The following TSPAN32 variants were observed in gnomAD, a reference collection of about 807,000 sequenced individuals.
TSPAN32 encodes the protein tetraspanin-32.
TSPAN32 carries 47 observed loss-of-function variants against 42.7 expected under a neutral mutation model. That is an observed-to-expected ratio of 1.10 (90% CI 0.87 to 1.40). The LOEUF is 1.40. TSPAN32 is among the 40% of genes most tolerant of loss of function. TSPAN32 has a pLI of 0.00. For missense variants in TSPAN32, 469 were observed against 424.1 expected (o/e 1.11, Z -0.93); for synonymous variants, 175 against 175.9 (o/e 0.99, Z 0.04).
intron 6 of TSPAN32, chr11:2,315,156 GCCCTCC>G: frequency 1.4e-6 from 1 of 711,596 alleles, no homozygotes; most frequent in Non-Finnish European, 1.9e-6. Context: ...GTGCCCGGCA[GCCCTCC>G]CCCAGCCCAC....
Position 2,317,299 on chromosome 11 carries a change from C to T in TSPAN32, c.720-45C>T. 6.7e-7 allele frequency: 1 copy of T among 1,487,880 alleles called. No homozygotes were observed. The highest frequency in any genetic ancestry group is 9.2e-7 in the Non-Finnish European group (1 of 1,088,830). 92.2% of individuals were successfully genotyped at this position (1,487,880 alleles called of 1,614,324 possible). On this transcript the variant is annotated intron_variant, in intron 8 of 9. Transcript: ENST00000182290. The surrounding 1 kb of genome is among the most constrained non-coding windows in gnomAD (Gnocchi z 6.2). Reference sequence around the variant, plus strand: ...ATTCCACAATAGCCTCACAGGTCCCCTGTAGAACATTCCACCACAGCCCCA... The same window carrying T: ...ATTCCACAATAGCCTCACAGGTCCCTTGTAGAACATTCCACCACAGCCCCA...
chr11:2,304,035 C>T lies in TSPAN32; in HGVS notation c.182-72C>T. ...GGCCCCTGACTCCCAAGTTAGATTTCACACCCAGGCTGTGTGCACTCAGGA... is the reference window on the plus strand; with the variant it reads ...GGCCCCTGACTCCCAAGTTAGATTTTACACCCAGGCTGTGTGCACTCAGGA... On this transcript the variant is annotated intron_variant, in intron 2 of 9. Coordinates refer to ENST00000182290, the MANE Select transcript of TSPAN32 (RefSeq NM_139022.3). The surrounding 1 kb of genome is among the most constrained non-coding windows in gnomAD (Gnocchi z 4.8). 8.2e-7 allele frequency: 1 copy of T among 1,222,966 alleles called. No homozygotes were observed. Among genetic ancestry groups the T allele is most frequent in the Non-Finnish European group, 1.2e-6 (1 of 852,148 alleles). The allele number at this position is 1,222,966 out of a possible 1,614,324, so 75.8% of individuals were successfully genotyped here.
chr11:2,304,072 C>A lies in TSPAN32; in HGVS notation c.182-35C>A. 6.6e-7 allele frequency: 1 copy of A among 1,515,436 alleles called. No homozygotes were observed. The highest frequency in any genetic ancestry group is 9.0e-7 in the Non-Finnish European group (1 of 1,113,014). 93.9% of individuals were successfully genotyped at this position (1,515,436 alleles called of 1,614,324 possible). A position where few individuals can be genotyped will look rare whatever the true frequency, so the allele number is the denominator to read the frequency against. ...GTGTGCACTCAGGACCTGTCCTGGGCACCCCTAACCCTCCTCCTCTCTCCT... is the reference window on the plus strand; with the variant it reads ...GTGTGCACTCAGGACCTGTCCTGGGAACCCCTAACCCTCCTCCTCTCTCCT... On this transcript the variant is annotated intron_variant, in intron 2 of 9. Coordinates refer to ENST00000182290, the MANE Select transcript of TSPAN32 (RefSeq NM_139022.3). This position sits in a 1 kb window ranked among gnomAD's most constrained non-coding sequence, Gnocchi z 4.8.
In TSPAN32 at chr11:2,317,623, C is replaced by T; in HGVS notation, c.901+98C>T. ...GTGAAGGCCCAGCCAGAGAGCCAGG[C>T]TCCATTGGGAACAGATGCAAGGGTA... On this transcript the variant is annotated intron_variant, in intron 9 of 9. Transcript: ENST00000182290. This position sits in a 1 kb window ranked among gnomAD's most constrained non-coding sequence, Gnocchi z 6.2. The T allele has an allele frequency of 1.3e-6, 2 of 1,495,216 alleles. No individual in the cohort carries two copies. Among genetic ancestry groups the T allele is most frequent in the East Asian group, 4.9e-5 (2 of 40,538 alleles). 92.6% of individuals were successfully genotyped at this position (1,495,216 alleles called of 1,614,324 possible).
At chr11:2,302,393 C>G (rs1011380553) in intron 1 of TSPAN32, among the ~76,000 whole-genome samples, 178 bp downstream of exon 1, 2 of 152,210 alleles carry the variant, frequency 1.3e-5, no homozygotes, top group African/African-American at 4.8e-5. Context: ...AGGCAGGGAC[C>G]ACCATGAGCA....
At chr11:2,316,692 A>G (rs1848820024) in intron 8 of TSPAN32, 25 bp downstream of exon 8, 3 of 1,514,774 alleles carry the variant, frequency 2.0e-6, no homozygotes, top group African/African-American at 2.8e-5. Flanking sequence ...CTGCCCCCAC[A>G]CCCTCTGGAA....
At position 2,302,888 on chromosome 11, in the gene TSPAN32, C is replaced by G. The variant is rs146480945; in HGVS notation, c.111C>G (p.Phe37Leu). 1 of 1,613,694 alleles carries G rather than the reference C, an allele frequency of 6.2e-7. No individual in the cohort carries two copies. Reference protein sequence around the residue: ...SVATMVTLTYFGAHFAVIRRA... With the variant: ...SVATMVTLTYLGAHFAVIRRA... ...CCACCATGGTGACTCTTACCTACTT[C>G]GGGGCCCACTTTGCTGTCATCCGCC... The change falls in exon 2 of 10, where the codon TTC becomes TTG. Residue 37 changes from phenylalanine to leucine, a missense_variant. Transcript: ENST00000182290.
rs202189471 is a variant in TSPAN32, at chr11:2,304,060, A to G, written c.182-47A>G. 3.5e-6 allele frequency: 5 copies of G among 1,448,898 alleles called. No individual in the cohort carries two copies. The African/African-American group carries it at 5.6e-5, about 16-fold the overall frequency. 89.8% of individuals were successfully genotyped at this position (1,448,898 alleles called of 1,614,324 possible). A position where few individuals can be genotyped will look rare whatever the true frequency, so the allele number is the denominator to read the frequency against. On this transcript the variant is annotated intron_variant, in intron 2 of 9. Transcript: ENST00000182290. The surrounding 1 kb of genome is among the most constrained non-coding windows in gnomAD (Gnocchi z 4.8). ...CACACCCAGGCTGTGTGCACTCAGG[A>G]CCTGTCCTGGGCACCCCTAACCCTC...
rs1331118692 is a variant in TSPAN32 at position 2,317,833 on chromosome 11, T to A, written c.902-30T>A. The A allele has an allele frequency of 1.2e-6, 2 of 1,600,242 alleles. No individual in the cohort carries two copies. The highest frequency in any genetic ancestry group is 2.2e-5 in the South Asian group (2 of 90,694). On this transcript the variant is annotated intron_variant, in intron 9 of 9. Coordinates refer to ENST00000182290, the MANE Select transcript of TSPAN32 (RefSeq NM_139022.3). This position sits in a 1 kb window ranked among gnomAD's most constrained non-coding sequence, Gnocchi z 6.2. Reference sequence around the variant, plus strand: ...TAAGAAGCAGCATGGATGTAAGGACTGCAAGCAGTGCCCATTTATGATCTC... The same window carrying A: ...TAAGAAGCAGCATGGATGTAAGGACAGCAAGCAGTGCCCATTTATGATCTC...
At position 2,313,824 on chromosome 11, in the gene TSPAN32, G is replaced by T. The variant is rs55756178; in HGVS notation, c.456+69G>T. 1.6e-6 allele frequency: 2 copies of T among 1,284,010 alleles called. No homozygotes were observed. Among genetic ancestry groups the T allele is most frequent in the African/African-American group, 1.5e-5 (1 of 68,110 alleles). The allele number at this position is 1,284,010 out of a possible 1,614,324, so 79.5% of individuals were successfully genotyped here. Reference sequence around the variant, plus strand: ...TTGGACTGCAGTTCAGAGAACAGGCGCAGGGTGGCCAGTGAGAGGTCTGGC... The same window carrying T: ...TTGGACTGCAGTTCAGAGAACAGGCTCAGGGTGGCCAGTGAGAGGTCTGGC... On this transcript the variant is annotated intron_variant, in intron 5 of 9. Transcript: ENST00000182290. This position sits in a 1 kb window ranked among gnomAD's most constrained non-coding sequence, Gnocchi z 9.1.
chr11:2,306,848 A>AG (rs1564957447), intron 3 of TSPAN32: 1 of 42,210 alleles, frequency 2.4e-5, no homozygotes, highest in Non-Finnish European at 4.2e-5. Context: ...AGGGAGAGGG[A>AG]GGGGGAGGGG....
chr11:2,315,160 T>TACCC, intron 6 of TSPAN32: 6 of 646,454 alleles, frequency 9.3e-6, no homozygotes, highest in Non-Finnish European at 1.3e-5. Flanking sequence ...CCGGCAGCCC[T>TACCC]CCCCCAGCCC....
In TSPAN32 at chr11:2,316,556, C is replaced by A. The variant is rs577127602; in HGVS notation, c.628-20C>A. ...CCGCACCCTGGGGCAGTGGGGCAGC[C>A]GCGGGTGTCTCCCTCCCAGGTGTCC... On this transcript the variant is annotated intron_variant, in intron 7 of 9. Transcript: ENST00000182290. 3 of 1,601,122 alleles carry A rather than the reference C, an allele frequency of 1.9e-6. No homozygotes were observed. The South Asian group carries it at 3.3e-5, about 18-fold the overall frequency.
At position 2,307,147 on chromosome 11, in the gene TSPAN32, G is replaced by T. The variant is rs527576736; in HGVS notation, c.280-1589G>T. Among the ~76,000 whole-genome samples the T allele has an allele frequency of 2.0e-5, 3 of 152,124 alleles. No homozygotes were observed. The South Asian group carries it at 6.2e-4, about 31-fold the overall frequency. Reference sequence around the variant, plus strand: ...AGGAGGGCCATGAGGAGCCGCCAGCGCCCTGTCCCTGCAGGGCTGGAGGCC... The same window carrying T: ...AGGAGGGCCATGAGGAGCCGCCAGCTCCCTGTCCCTGCAGGGCTGGAGGCC... On this transcript the variant is annotated intron_variant, in intron 3 of 9. Coordinates refer to ENST00000182290, the MANE Select transcript of TSPAN32 (RefSeq NM_139022.3).
chr11:2,309,553 C>CG (rs1289508429), intron 4 of TSPAN32: 1 of 352,294 alleles, frequency 2.8e-6, no homozygotes, highest in Non-Finnish European at 5.8e-6. Flanking sequence ...GGGACAGCCA[C>CG]GGGCAGGGTC....
intron 1 of TSPAN32, 34 bp from the exon 2 acceptor site, chr11:2,302,810 C>T (rs761607007): frequency 2.7e-5 from 42 of 1,582,320 alleles, no homozygotes; most frequent in Non-Finnish European, 3.3e-5. Context: ...GCAGCAGTCC[C>T]ATGCCCCACA....
Position 2,316,288 on chromosome 11 carries a change from G to A in TSPAN32, c.603G>A (p.Leu201=). The stretch of plus-strand genomic sequence containing the variant: ...CACACCAGCAGGTCGCCTCCAGCCT[G>A]ACCAGCATCGGCCTGGCCCTCACGG... ...LRTHQQVASS[L]TSIGLALTVS... is the part of the protein sequence containing the mutation. The change falls in exon 7 of 10, where the codon CTG becomes CTA. Residue 201 remains leucine (L), a synonymous_variant. Coordinates refer to ENST00000182290, the MANE Select transcript of TSPAN32 (RefSeq NM_139022.3). The A allele has an allele frequency of 6.2e-7, 1 of 1,602,956 alleles. No homozygotes were observed. The highest frequency in any genetic ancestry group is 8.5e-7 in the Non-Finnish European group (1 of 1,176,366).
At chr11:2,303,986 C>A in intron 2 of TSPAN32, 121 bp from the exon 3 acceptor site, 1 of 711,632 alleles carries the variant, frequency 1.4e-6, no homozygotes, top group South Asian at 1.7e-5. Context: ...CAGGCCCATT[C>A]AGAGCCCCCC....
Position 2,314,493 on chromosome 11 carries a change from C to T in TSPAN32, c.465C>T (p.Cys155=), listed in dbSNP as rs773022730. The T allele has an allele frequency of 2.5e-6, 4 of 1,611,916 alleles. No individual in the cohort carries two copies. Among genetic ancestry groups the T allele is most frequent in the Non-Finnish European group, 3.4e-6 (4 of 1,179,066 alleles). ...ELAAIQDVFL[C]CGKKSPFSRL... ...CCCTTCTGTTCCTGTAGTTTCTGTG[C>T]TGTGGGAAGAAGTCTCCTTTCAGCC... Residue 155 remains cysteine, a synonymous_variant, in exon 6 of 10, where the codon TGC becomes TGT. Coordinates refer to ENST00000182290, the MANE Select transcript of TSPAN32 (RefSeq NM_139022.3).
Sources: gnomAD v4.1 joint callset for allele counts (sites outside exome capture counted in the v4.1 genomes callset) on GRCh38, gnomAD v4.1.1 for gene constraint, Gnocchi (gnomAD v3.1) non-coding constraint, MANE v1.5 for transcripts, NCBI Gene and HGNC (gene_info 2026-07-23, HGNC 2026-07-21) for gene names.